CCDC88A: variants seen among roughly 807,000 people sequenced by gnomAD.
CCDC88A encodes the protein coiled-coil and HOOK domain protein 88A.
A neutral mutation model predicts 234.3 loss-of-function variants in CCDC88A; 54 were observed. The ratio of observed to expected loss-of-function variants is 0.23; its 90% CI spans 0.19 to 0.29. The LOEUF is 0.29. Among genes scored for constraint, CCDC88A ranks in the 10% least tolerant of loss-of-function variants. The probability of loss-of-function intolerance (pLI) is 1.00; values close to 1 mark genes in which losing one functional copy is unlikely to be tolerated. For synonymous variants in CCDC88A, 753 were observed against 737.8 expected (o/e 1.02, Z -0.33); for missense variants, 1,832 against 2,123.4 (o/e 0.86, Z 2.70).
chr2:55,343,071 G>T (rs964282407), intron 12 of CCDC88A, among the ~76,000 whole-genome samples: 1 of 152,086 alleles, frequency 6.6e-6, no homozygotes, highest in African/African-American at 2.4e-5. Context: ...AAGTCAATGT[G>T]AAGCCCAGGA....
chr2:55,355,841 G>T, intron 7 of CCDC88A, 90 bp from the exon 8 acceptor site: 2 of 952,692 alleles, frequency 2.1e-6, no homozygotes, highest in Non-Finnish European at 3.1e-6. Flanking sequence ...GAATTGTACT[G>T]CCATATCAAA....
intron 3 of CCDC88A, among the ~76,000 whole-genome samples, chr2:55,384,321 T>C (rs1675095319): frequency 1.0e-5 from 1 of 99,222 alleles, no homozygotes; most frequent in African/African-American, 3.8e-5. Context: ...CAAAACTCCA[T>C]CTCAAAAAAA....
intron 3 of CCDC88A, among the ~76,000 whole-genome samples, chr2:55,380,564 G>T (rs972600859): frequency 1.3e-5 from 2 of 152,004 alleles, no homozygotes; most frequent in Admixed American, 1.3e-4. Flanking sequence ...ATGTTAGCTG[G>T]CTTTGTATAA....
chr2:55,403,781 C>T (rs1679114810), intron 2 of CCDC88A: 1 of 152,190 alleles, frequency 6.6e-6, no homozygotes, highest in South Asian at 2.1e-4. Flanking sequence ...CATTCACTTA[C>T]ATGGTTGCCA....
chr2:55,344,601 C>A (rs984817923), intron 10 of CCDC88A, 87 bp from the exon 11 acceptor site: 2 of 728,464 alleles, frequency 2.7e-6, no homozygotes, highest in Non-Finnish European at 4.1e-6. Context: ...ATTAAGCCAT[C>A]TTTATCAACA....
intron 5 of CCDC88A, among the ~76,000 whole-genome samples, chr2:55,364,463 T>A (rs1436536714): frequency 6.6e-6 from 1 of 152,056 alleles, no homozygotes; most frequent in African/African-American, 2.4e-5. Flanking sequence ...CAACACAGCC[T>A]TTCTTCTTGG....
intron 5 of CCDC88A, among the ~76,000 whole-genome samples, chr2:55,369,385 T>G (rs550126483): frequency 6.6e-6 from 1 of 151,536 alleles, no homozygotes; most frequent in East Asian, 2.0e-4. Context: ...ATAACTCAAT[T>G]CATGTAAACT....
intron 11 of CCDC88A, 108 bp from the exon 12 acceptor site, chr2:55,343,900 T>C (rs1056934437): frequency 1.1e-6 from 1 of 924,490 alleles, no homozygotes; most frequent in East Asian, 2.8e-5. Flanking sequence ...TCAGTAATAA[T>C]TATGAGTTCT....
chr2:55,394,181 T>C (rs2104914644), intron 2 of CCDC88A: 1 of 152,346 alleles, frequency 6.6e-6, no homozygotes, highest in South Asian at 2.1e-4. Flanking sequence ...ATGCGGTGTT[T>C]GGTTTTTTGT....
chr2:55,377,459 G>T (rs1450460648), intron 3 of CCDC88A, among the ~76,000 whole-genome samples: 1 of 133,620 alleles, frequency 7.5e-6, no homozygotes, highest in Non-Finnish European at 1.6e-5. Context: ...TGCCCAGCGA[G>T]ATTTTTTTTT....
intron 18 of CCDC88A, among the ~76,000 whole-genome samples, chr2:55,319,986 A>G (rs1359838761): frequency 6.6e-6 from 1 of 152,106 alleles, no homozygotes; most frequent in Admixed American, 6.5e-5. Flanking sequence ...GCTTTATGTT[A>G]TATACACTGC....
chr2:55,352,293 G>C (rs1669983591), intron 8 of CCDC88A, among the ~76,000 whole-genome samples: 1 of 151,956 alleles, frequency 6.6e-6, no homozygotes. Flanking sequence ...AGCCAGGCGT[G>C]GTGGTGCATG....
At chr2:55,357,625 G>A (rs1167306753) in intron 7 of CCDC88A, among the ~76,000 whole-genome samples, 1 of 152,106 alleles carries the variant, frequency 6.6e-6, no homozygotes, top group Admixed American at 6.6e-5. Context: ...TAGAAAGAAT[G>A]GGTGGGGTTT....
intron 2 of CCDC88A, among the ~76,000 whole-genome samples, chr2:55,409,715 G>A (rs1680150435): frequency 6.8e-6 from 1 of 146,936 alleles, no homozygotes; most frequent in Non-Finnish European, 1.5e-5. Flanking sequence ...CATGTAAACA[G>A]GGGGATGTGC....
intron 14 of CCDC88A, 100 bp downstream of exon 14, chr2:55,336,581 C>A: frequency 8.7e-6 from 6 of 692,040 alleles, no homozygotes; most frequent in Non-Finnish European, 1.1e-5. Context: ...AAAATATTTC[C>A]CTTTAATGTT....
intron 5 of CCDC88A, among the ~76,000 whole-genome samples, chr2:55,366,324 A>C (rs1163818866): frequency 6.6e-6 from 1 of 152,072 alleles, no homozygotes; most frequent in Non-Finnish European, 1.5e-5. Flanking sequence ...TCAGGAGTTC[A>C]AGACCAGCCT....
chr2:55,369,918 A>T (rs1409635178), intron 5 of CCDC88A, among the ~76,000 whole-genome samples: 2 of 152,128 alleles, frequency 1.3e-5, no homozygotes, highest in Non-Finnish European at 2.9e-5. Context: ...CTAAAATTCA[A>T]ACTCCTTGAG....
At chr2:55,395,831 G>A (rs771459349) in intron 2 of CCDC88A, among the ~76,000 whole-genome samples, 1 of 152,146 alleles carries the variant, frequency 6.6e-6, no homozygotes, top group Non-Finnish European at 1.5e-5. Flanking sequence ...TATGCTTATT[G>A]CAAGAAAATA....
chr2:55,319,039 C>T, intron 18 of CCDC88A, 35 bp from the exon 19 acceptor site: 1 of 1,559,372 alleles, frequency 6.4e-7, no homozygotes, highest in South Asian at 1.1e-5. Context: ...AACATATTAA[C>T]AATAATGGCA....
Sources: allele counts gnomAD v4.1 joint callset (sites outside exome capture counted in the v4.1 genomes callset), GRCh38; gene constraint gnomAD v4.1.1; transcripts MANE v1.5; gene names NCBI Gene and HGNC (gene_info 2026-07-23, HGNC 2026-07-21).